Variants in ADGRB1 observed in about 807,000 individuals in gnomAD.
ADGRB1 encodes the protein brain-specific angiogenesis inhibitor 1.
A neutral mutation model predicts 175.7 loss-of-function variants in ADGRB1; 36 were observed. The ratio of observed to expected loss-of-function variants is 0.20; its 90% CI spans 0.16 to 0.27. ADGRB1 has a LOEUF of 0.27. Ranked by LOEUF, ADGRB1 falls within the 10% of genes least tolerant of loss-of-function variation. The pLI, the probability that ADGRB1 is intolerant of heterozygous loss-of-function variation, is 1.00. For missense variants in ADGRB1, 1,731 were observed against 2,255.3 expected (o/e 0.77, Z 4.71); for synonymous variants, 1,054 against 979.4 (o/e 1.08, Z -1.42).
At chr8:142,513,877 C>T (rs754632453) in intron 18 of ADGRB1, among the ~76,000 whole-genome samples, 39 of 151,944 alleles carry the variant, frequency 2.6e-4, no homozygotes, top group Non-Finnish European at 5.3e-4. Flanking sequence ...ACTGGTGGCC[C>T]GCAAGGCCTG....
chr8:142,490,740 A>G (rs748712454), intron 16 of ADGRB1, 32 bp from the exon 17 acceptor site: 115 of 1,562,126 alleles, frequency 7.4e-5, no homozygotes, highest in Middle Eastern at 6.7e-4. Flanking sequence ...CCTGGCTGCC[A>G]GGGGCCCTGA....
At chr8:142,516,246 G>A (rs1212098159) in intron 18 of ADGRB1, among the ~76,000 whole-genome samples, 4 of 130,410 alleles carry the variant, frequency 3.1e-5, no homozygotes, top group Non-Finnish European at 4.8e-5. Context: ...TGCGTGTGCG[G>A]GCCCCAGGTG....
At chr8:142,465,243 A>C (rs1008871691) in intron 2 of ADGRB1, among the ~76,000 whole-genome samples, 1 of 152,172 alleles carries the variant, frequency 6.6e-6, no homozygotes, top group African/African-American at 2.4e-5. Flanking sequence ...AGTGAAGGTC[A>C]CTGCAGGTGT....
intron 1 of ADGRB1, 95 bp from the exon 2 acceptor site, chr8:142,463,885 A>T: frequency 3.8e-6 from 1 of 259,946 alleles, no homozygotes; most frequent in Admixed American, 5.5e-5. Context: ...CGTTGGTAGC[A>T]GGCTAAGCTG....
intron 2 of ADGRB1, among the ~76,000 whole-genome samples, chr8:142,472,115 T>A (rs1191675901): frequency 1.3e-5 from 2 of 152,152 alleles, no homozygotes; most frequent in African/African-American, 4.8e-5. Flanking sequence ...TGCACAGCTC[T>A]CCTCCAGAGA....
chr8:142,471,756 C>T (rs1425238109), intron 2 of ADGRB1, among the ~76,000 whole-genome samples: 2 of 152,238 alleles, frequency 1.3e-5, no homozygotes, highest in Admixed American at 6.5e-5. Context: ...TGCTGGTGCC[C>T]GCCTCTGTGG....
intron 7 of ADGRB1, 29 bp downstream of exon 7, chr8:142,478,389 G>T: frequency 6.4e-7 from 1 of 1,562,438 alleles, no homozygotes; most frequent in South Asian, 1.2e-5. Context: ...TGGGGTCGGG[G>T]GGCACCTAAC....
In ADGRB1 at chr8:142,511,746, T is replaced by G. The variant is rs1843117645; in HGVS notation, c.2817+673T>G. ...CCTGGGGCGGGTGGGCTCTCTTGCT[T>G]TGGGCCGGCCAAGCTGCACCCCCTG... On this transcript the variant is annotated intron_variant, in intron 18 of 30. Transcript: ENST00000517894. The surrounding 1 kb of genome is among the most constrained non-coding windows in gnomAD (Gnocchi z 4.5). Among the ~76,000 whole-genome samples, 1 of 152,160 alleles carries G rather than the reference T, an allele frequency of 6.6e-6. No homozygotes were observed. Among genetic ancestry groups the G allele is most frequent in the African/African-American group, 2.4e-5 (1 of 41,446 alleles).
In ADGRB1 at chr8:142,477,330, A is replaced by G. The variant is rs867461423; in HGVS notation, c.1222+52A>G. On this transcript the variant is annotated intron_variant, in intron 5 of 30. Coordinates refer to ENST00000517894, the MANE Select transcript of ADGRB1 (RefSeq NM_001702.3). ...CGGACAGCCAGGGCAGCGGGGGGCC[A>G]GGGCAGCGGGGGCGGTGGCCGCAGT... The G allele has an allele frequency of 1.4e-4, 179 of 1,316,600 alleles. 1 individual carries two copies. Among genetic ancestry groups the G allele is most frequent in the African/African-American group, 6.4e-4 (31 of 48,548 alleles). 81.6% of individuals were successfully genotyped at this position (1,316,600 alleles called of 1,614,324 possible).
rs1345012891 is a variant in ADGRB1 at position 142,493,238 on chromosome 8, C to A, written c.2675+2423C>A. ...CCAGTGAGCCGGGACAAGGACACTG[C>A]CCCAGGGACCCAACTGTGGCCGAAG... is the stretch of plus-strand genomic sequence containing the variant. On this transcript the variant is annotated intron_variant, in intron 17 of 30. Transcript: ENST00000517894. This position sits in a 1 kb window ranked among gnomAD's most constrained non-coding sequence, Gnocchi z 5.0. Among the ~76,000 whole-genome samples the A allele has an allele frequency of 6.6e-6, 1 of 152,054 alleles. No homozygotes were observed. Among genetic ancestry groups the A allele is most frequent in the African/African-American group, 2.4e-5 (1 of 41,408 alleles).
intron 17 of ADGRB1, among the ~76,000 whole-genome samples, chr8:142,496,765 A>C (rs1158855297): frequency 6.6e-6 from 1 of 152,136 alleles, no homozygotes; most frequent in Non-Finnish European, 1.5e-5. Flanking sequence ...TGAAGCCCTT[A>C]CCATGCTACC....
chr8:142,465,040 GC>G, intron 2 of ADGRB1, 58 bp downstream of exon 2: 1 of 1,018,742 alleles, frequency 9.8e-7, no homozygotes, highest in Non-Finnish European at 1.3e-6. Flanking sequence ...GGGGAGGCGG[GC>G]AGACAGGGGA....
At position 142,543,849 on chromosome 8, in the gene ADGRB1, T is replaced by C; in HGVS notation, c.4557+141T>C. The C allele has an allele frequency of 1.1e-6, 1 of 935,266 alleles. No homozygotes were observed. Among genetic ancestry groups the C allele is most frequent in the Non-Finnish European group, 1.6e-6 (1 of 608,450 alleles). 57.9% of individuals were successfully genotyped at this position (935,266 alleles called of 1,614,324 possible). ...ATTCATTCATTCATTCGCCCATCCC[T>C]GAGGGCTGGCCTGACCCTGCCATGC... is the stretch of plus-strand genomic sequence containing the variant. On this transcript the variant is annotated intron_variant, in intron 30 of 30. Transcript: ENST00000517894. This position sits in a 1 kb window ranked among gnomAD's most constrained non-coding sequence, Gnocchi z 4.4.
At chr8:142,501,469 G>A (rs1284297817) in intron 17 of ADGRB1, among the ~76,000 whole-genome samples, 2 of 143,104 alleles carry the variant, frequency 1.4e-5, no homozygotes, top group Non-Finnish European at 3.0e-5. Context: ...GAGGTGGGGT[G>A]GTGGTGGTGA....
intron 12 of ADGRB1, 33 bp from the exon 13 acceptor site, chr8:142,484,623 C>T: frequency 6.3e-7 from 1 of 1,580,536 alleles, no homozygotes; most frequent in Non-Finnish European, 8.6e-7. Flanking sequence ...AGTGGGGCCT[C>T]CTCCCTCGGC....
chr8:142,518,286 C>A (rs768792965), intron 19 of ADGRB1, 45 bp downstream of exon 19: 1 of 1,592,030 alleles, frequency 6.3e-7, no homozygotes, highest in Non-Finnish European at 8.6e-7. Context: ...GTGGCTCCTG[C>A]ATCACACGCC....
chr8:142,469,139 ATGTGTGTG>A, intron 2 of ADGRB1, among the ~76,000 whole-genome samples: 1 of 135,240 alleles, frequency 7.4e-6, no homozygotes, highest in Non-Finnish European at 1.6e-5. Flanking sequence ...GCGTGTGTGC[ATGTGTGTG>A]CATGCGTGCA....
rs576845127 is a variant in ADGRB1, at chr8:142,492,260, C to T, written c.2675+1445C>T. 6.6e-6 allele frequency among the ~76,000 whole-genome samples: 1 copy of T among 152,302 alleles called. No homozygotes were observed. The highest frequency in any genetic ancestry group is 2.1e-4 in the South Asian group (1 of 4,824). ...GTTCTTTAATCCATCCGCCCATCGC[C>T]CACTGCTCACCACCCTTCCTCCGGC... is the stretch of plus-strand genomic sequence containing the variant. On this transcript the variant is annotated intron_variant, in intron 17 of 30. Transcript: ENST00000517894. The surrounding 1 kb of genome is among the most constrained non-coding windows in gnomAD (Gnocchi z 4.4).
chr8:142,484,557 A>C, intron 12 of ADGRB1, 99 bp from the exon 13 acceptor site: 58 of 1,153,774 alleles, frequency 5.0e-5, no homozygotes, highest in Non-Finnish European at 5.9e-5. Flanking sequence ...AATGTTAGGA[A>C]ATGGCCAATA....
Sources: allele counts gnomAD v4.1 joint callset (sites outside exome capture counted in the v4.1 genomes callset), GRCh38; gene constraint gnomAD v4.1.1; non-coding constraint Gnocchi (gnomAD v3.1); transcripts MANE v1.5; gene names NCBI Gene and HGNC (gene_info 2026-07-23, HGNC 2026-07-21).